ACBD6: variants seen among roughly 807,000 people sequenced by gnomAD.
ACBD6 encodes acyl-CoA binding domain containing 6, also known as acyl-CoA-binding domain-containing protein 6.
Under a neutral mutation model 37.2 loss-of-function variants are expected in ACBD6, and 28 were observed. That is an observed-to-expected ratio of 0.75 (90% CI 0.56 to 1.03). ACBD6 has a LOEUF of 1.03. Ranked by LOEUF, ACBD6 falls within the 50% of genes least tolerant of loss-of-function variation. The probability of loss-of-function intolerance (pLI) is 0.00; values close to 1 mark genes in which losing one functional copy is unlikely to be tolerated. For synonymous variants in ACBD6, 113 were observed against 126.8 expected (o/e 0.89, Z 0.73); for missense variants, 340 against 337.4 (o/e 1.01, Z -0.06).
chr1:180,391,694 A>T (rs1432891530), intron 6 of ACBD6, among the ~76,000 whole-genome samples: 1 of 152,162 alleles, frequency 6.6e-6, no homozygotes, highest in African/African-American at 2.4e-5. Context: ...ACTCTCATAC[A>T]TCACTGCTGA....
intron 6 of ACBD6, among the ~76,000 whole-genome samples, chr1:180,395,503 C>G (rs12567791): frequency 6.6e-6 from 1 of 151,992 alleles, no homozygotes; most frequent in African/African-American, 2.4e-5. Context: ...TTTCCAGAAC[C>G]TAAGTGTAAA....
At chr1:180,454,080 A>C (rs1369714220) in intron 3 of ACBD6, among the ~76,000 whole-genome samples, 1 of 152,204 alleles carries the variant, frequency 6.6e-6, no homozygotes, top group Non-Finnish European at 1.5e-5. Context: ...AATCCTAAGC[A>C]AAAAGAACAA....
rs562121805 is a variant in ACBD6, at chr1:180,295,309, C to T, written c.695-6792G>A. 2.1e-5 allele frequency among the ~76,000 whole-genome samples: 3 copies of T among 146,292 alleles called. No individual in the cohort carries two copies. The South Asian group carries it at 6.5e-4, about 32-fold the overall frequency. On this transcript the variant is annotated intron_variant, in intron 7 of 7. Transcript: ENST00000367595. ...TTTTTGAGGCGGAGTCTTGCTCTGT[C>T]GCCCAGGCTGAAGTGCAGTGGTGCA...
chr1:180,362,798 G>C (rs1253328293), intron 6 of ACBD6, among the ~76,000 whole-genome samples: 1 of 136,896 alleles, frequency 7.3e-6, no homozygotes, highest in Admixed American at 7.1e-5. Flanking sequence ...AAAGGGAAAA[G>C]AAGCTAAACA....
chr1:180,396,811 TGTG>T (rs1654277420), intron 6 of ACBD6, among the ~76,000 whole-genome samples: 2 of 152,326 alleles, frequency 1.3e-5, no homozygotes, highest in African/African-American at 4.8e-5. Context: ...TTGGTGAGGA[TGTG>T]GTGAAACTGG....
intron 3 of ACBD6, among the ~76,000 whole-genome samples, chr1:180,491,260 T>C (rs942856560): frequency 6.6e-6 from 1 of 152,152 alleles, no homozygotes; most frequent in African/African-American, 2.4e-5. Context: ...GGCCTTAATA[T>C]TTTTATTGAA....
At chr1:180,497,428 C>G (rs1283611741) in intron 1 of ACBD6, among the ~76,000 whole-genome samples, 1 of 152,132 alleles carries the variant, frequency 6.6e-6, no homozygotes, top group Non-Finnish European at 1.5e-5. Context: ...GGTAAGCCAC[C>G]TCTGACCATG....
chr1:180,478,411 A>C (rs1027048244), intron 3 of ACBD6, among the ~76,000 whole-genome samples: 1 of 152,188 alleles, frequency 6.6e-6, no homozygotes, highest in African/African-American at 2.4e-5. Flanking sequence ...TATAATACTT[A>C]GAACAATACA....
chr1:180,379,757 T>C (rs1242906610), intron 6 of ACBD6, among the ~76,000 whole-genome samples: 1 of 152,114 alleles, frequency 6.6e-6, no homozygotes, highest in Non-Finnish European at 1.5e-5. Flanking sequence ...CTTTGTGACA[T>C]ATGGGCCACC....
chr1:180,487,751 A>G (rs1651327231), intron 3 of ACBD6, among the ~76,000 whole-genome samples: 1 of 152,180 alleles, frequency 6.6e-6, no homozygotes, highest in Non-Finnish European at 1.5e-5. Flanking sequence ...CAAATCTTCT[A>G]CCCAAGAAAT....
At chr1:180,360,930 G>C (rs1181588095) in intron 6 of ACBD6, among the ~76,000 whole-genome samples, 1 of 152,086 alleles carries the variant, frequency 6.6e-6, no homozygotes, top group Non-Finnish European at 1.5e-5. Flanking sequence ...CAAGTATGCT[G>C]TGTTGGGCAA....
At chr1:180,317,191 G>A (rs1004769296) in intron 6 of ACBD6, among the ~76,000 whole-genome samples, 3 of 152,126 alleles carry the variant, frequency 2.0e-5, no homozygotes, top group Non-Finnish European at 4.4e-5. Flanking sequence ...CTATAAATAC[G>A]TACAATTATT....
intron 7 of ACBD6, among the ~76,000 whole-genome samples, chr1:180,299,177 G>T (rs1208409748): frequency 2.0e-5 from 3 of 152,108 alleles, no homozygotes; most frequent in Non-Finnish European, 4.4e-5. Context: ...TCTGCCTTTG[G>T]CATGTTCAGT....
intron 6 of ACBD6, among the ~76,000 whole-genome samples, chr1:180,314,930 C>CA (rs1426269382): frequency 6.6e-6 from 1 of 152,204 alleles, no homozygotes; most frequent in Non-Finnish European, 1.5e-5. Context: ...TGCACTGTAG[C>CA]AGCTACAATG....
chr1:180,274,097 C>T, exon 11 of ACBD6: 1 of 1,538,262 alleles, frequency 6.5e-7, no homozygotes, highest in Non-Finnish European at 9.0e-7. Flanking sequence ...GGCATCTTTC[C>T]TGGTCATGTG....
rs1651822576 is a variant in ACBD6 at position 180,338,170 on chromosome 1, GA to G, written c.664-23449del. Reference sequence around the variant, plus strand: ...ACCAATGACTTTCTTCACAGAATTGGAAAAAACTACTTTAAAGTTCATATGG... The same window carrying G: ...ACCAATGACTTTCTTCACAGAATTGGAAAAACTACTTTAAAGTTCATATGG... On this transcript the variant is annotated intron_variant, in intron 6 of 7. Coordinates refer to ENST00000367595, the MANE Select transcript of ACBD6 (RefSeq NM_032360.4). Among the ~76,000 whole-genome samples, 3 of 152,072 alleles carry G rather than the reference GA, an allele frequency of 2.0e-5. No homozygotes were observed. The South Asian group carries it at 6.2e-4, about 32-fold the overall frequency.
chr1:180,367,904 C>T (rs1653108849), intron 6 of ACBD6, among the ~76,000 whole-genome samples: 1 of 152,130 alleles, frequency 6.6e-6, no homozygotes, highest in African/African-American at 2.4e-5. Flanking sequence ...TTGGTATATA[C>T]CCAGTAATGG....
chr1:180,413,559 G>A, intron 4 of ACBD6, 88 bp from the exon 5 acceptor site: 1 of 1,035,790 alleles, frequency 9.7e-7, no homozygotes, highest in South Asian at 1.3e-5. Context: ...TGCTGACATA[G>A]ATGTTAATGG....
chr1:180,414,204 A>T (rs1367133068), intron 4 of ACBD6, among the ~76,000 whole-genome samples: 2 of 152,226 alleles, frequency 1.3e-5, no homozygotes, highest in African/African-American at 4.8e-5. Flanking sequence ...GAATTGTTTC[A>T]ATCGGATTCT....
Sources: gnomAD v4.1 joint callset for allele counts (sites outside exome capture counted in the v4.1 genomes callset) on GRCh38, gnomAD v4.1.1 for gene constraint, MANE v1.5 for transcripts, NCBI Gene and HGNC (gene_info 2026-07-23, HGNC 2026-07-21) for gene names.